Variants in CDH11 observed in about 807,000 individuals in gnomAD.
CDH11 encodes the protein cadherin 11.
Under a neutral mutation model 67.8 loss-of-function variants are expected in CDH11, and 11 were observed. The ratio of observed to expected loss-of-function variants is 0.16; its 90% confidence interval spans 0.10 to 0.27. CDH11 has a LOEUF of 0.27. CDH11 is among the 10% of genes least tolerant of loss of function. The probability of loss-of-function intolerance (pLI) is 1.00; values close to 1 mark genes in which losing one functional copy is unlikely to be tolerated. For missense variants in CDH11, 847 were observed against 1,031.2 expected (o/e 0.82, Z 2.45); for synonymous variants, 419 against 400.0 (o/e 1.05, Z -0.57).
At chr16:65,043,263 A>C (rs1597126623) in intron 2 of CDH11, among the ~76,000 whole-genome samples, 1 of 151,978 alleles carries the variant, frequency 6.6e-6, no homozygotes, top group African/African-American at 2.4e-5. Flanking sequence ...AGACATAGGA[A>C]GGCTTGTTGC....
chr16:64,997,007 C>A (rs1402395965), intron 4 of CDH11, among the ~76,000 whole-genome samples: 1 of 151,902 alleles, frequency 6.6e-6, no homozygotes, highest in Admixed American at 6.6e-5. Context: ...ACTCAATAAA[C>A]CTGCACATGG....
chr16:65,087,097 G>C lies in CDH11; in HGVS notation c.-297-33169C>G, dbSNP rs567838789. ...GATACAGAGCAGACTTCGGAGTTAG[G>C]TGTGAATTGGAAATGTCCCAGATGA... is the stretch of plus-strand genomic sequence containing the variant. On this transcript the variant is annotated intron_variant, in intron 1 of 12. Coordinates refer to ENST00000268603, the MANE Select transcript of CDH11 (RefSeq NM_001797.4). Among the ~76,000 whole-genome samples the C allele has an allele frequency of 7.9e-5, 12 of 152,262 alleles. No individual in the cohort carries two copies. The East Asian group carries it at 1.4e-3, about 17-fold the overall frequency.
intron 11 of CDH11, among the ~76,000 whole-genome samples, chr16:64,966,204 C>T (rs1216705902): frequency 1.3e-5 from 2 of 151,926 alleles, no homozygotes; most frequent in Non-Finnish European, 2.9e-5. Flanking sequence ...ATGAAGAAAA[C>T]TACAATGACT....
Position 64,944,595 on chromosome 16 carries a change from T to C in CDH11, c.*3008A>G. On this transcript the variant is annotated 3_prime_UTR_variant, in exon 13 of 13. Coordinates refer to ENST00000268603, the MANE Select transcript of CDH11 (RefSeq NM_001797.4). ...ATATGTCACAATGACCCAGGAGCAGTTTCAAATACTCCTGACCTGGTTCCA... is the reference window on the plus strand; with the variant it reads ...ATATGTCACAATGACCCAGGAGCAGCTTCAAATACTCCTGACCTGGTTCCA... The C allele has an allele frequency of 4.3e-6, 1 of 232,140 alleles. No individual in the cohort carries two copies. The highest frequency in any genetic ancestry group is 8.5e-6 in the Non-Finnish European group (1 of 117,428). 14.4% of individuals were successfully genotyped at this position (232,140 alleles called of 1,614,324 possible).
intron 1 of CDH11, among the ~76,000 whole-genome samples, chr16:65,099,789 T>C (rs1319341191): frequency 3.9e-5 from 6 of 152,124 alleles, no homozygotes; most frequent in South Asian, 4.1e-4. Context: ...TCATAACTTG[T>C]CCTCATGGCA....
rs778890468 is a variant in CDH11, at chr16:65,115,585, A to G, written c.-298+6295T>C. Among the ~76,000 whole-genome samples the G allele has an allele frequency of 9.1e-4, 138 of 151,950 alleles. 1 individual carries two copies. The highest frequency in any genetic ancestry group is 9.8e-4 in the Admixed American group (15 of 15,246). ...AGAATCCTAGGATATAGATATTATT[A>G]TTAGGTCTATCATTACCAAGAAGAC... On this transcript the variant is annotated intron_variant, in intron 1 of 12. Coordinates refer to ENST00000268603, the MANE Select transcript of CDH11 (RefSeq NM_001797.4).
In CDH11 at chr16:65,096,710, T is replaced by G. The variant is rs183765727; in HGVS notation, c.-298+25170A>C. On this transcript the variant is annotated intron_variant, in intron 1 of 12. Coordinates refer to ENST00000268603, the MANE Select transcript of CDH11 (RefSeq NM_001797.4). ...CAAATATATATGTATATATTTGGGG[T>G]GTGTGTGTGTGTATCCTGTTGGTTC... 1.1e-3 allele frequency among the ~76,000 whole-genome samples: 160 copies of G among 150,834 alleles called. 1 individual carries two copies. Among genetic ancestry groups the G allele is most frequent in the Admixed American group, 8.6e-3 (129 of 15,074 alleles).
At position 65,004,757 on chromosome 16, in the gene CDH11, T is replaced by C; in HGVS notation, c.113A>G (p.His38Arg). ...RGHLRPSFHGHHEKGKEGQVL... is the reference protein window; with the variant it reads ...RGHLRPSFHGRHEKGKEGQVL... ...CTGCCCCTCCTTGCCCTTCTCATGG[T>C]GCCCATGGAAGGAGGGCCGCAGGTG... The change falls in exon 3 of 13, where the codon CAC becomes CGC. Residue 38 changes from histidine to arginine, a missense_variant. Transcript: ENST00000268603. 3 of 1,613,074 alleles carry C rather than the reference T, an allele frequency of 1.9e-6. No individual in the cohort carries two copies. The highest frequency in any genetic ancestry group is 2.5e-6 in the Non-Finnish European group (3 of 1,179,700).
At chr16:65,033,121 A>G (rs1237060868) in intron 2 of CDH11, among the ~76,000 whole-genome samples, 1 of 152,196 alleles carries the variant, frequency 6.6e-6, no homozygotes, top group Admixed American at 6.5e-5. Context: ...TTAATTAAAC[A>G]GAGCACAGGG....
chr16:65,119,665 G>A (rs1227258250), intron 1 of CDH11, among the ~76,000 whole-genome samples: 1 of 152,164 alleles, frequency 6.6e-6, no homozygotes, highest in Non-Finnish European at 1.5e-5. Flanking sequence ...CAGGGGTGAG[G>A]AGGGTGGTTT....
intron 11 of CDH11, among the ~76,000 whole-genome samples, chr16:64,955,696 A>G (rs967679864): frequency 2.6e-5 from 4 of 152,134 alleles, no homozygotes; most frequent in Non-Finnish European, 4.4e-5. Context: ...AGTGAGCTAT[A>G]ATAGTACCAC....
intron 1 of CDH11, among the ~76,000 whole-genome samples, chr16:65,100,797 A>T (rs920646949): frequency 1.3e-5 from 2 of 152,052 alleles, no homozygotes; most frequent in Non-Finnish European, 2.9e-5. Context: ...AATTTGAGGA[A>T]ACTGGAGTAA....
Position 65,023,745 on chromosome 16 carries a change from T to C in CDH11, c.-172-18704A>G, listed in dbSNP as rs144893461. Among the ~76,000 whole-genome samples the C allele has an allele frequency of 2.6e-4, 40 of 152,302 alleles. 1 individual carries two copies. In the East Asian group the frequency reaches 7.5e-3, roughly 29 times the overall value. ...TGCCATTTGTAAACTGTCATGGCACTGGTGGGAATGTCTTTTAGCATTGGA... is the reference window on the plus strand; with the variant it reads ...TGCCATTTGTAAACTGTCATGGCACCGGTGGGAATGTCTTTTAGCATTGGA... On this transcript the variant is annotated intron_variant, in intron 2 of 12. Transcript: ENST00000268603.
chr16:65,000,140 T>C (rs989865592), intron 3 of CDH11, among the ~76,000 whole-genome samples: 1 of 152,346 alleles, frequency 6.6e-6, no homozygotes, highest in South Asian at 2.1e-4. Context: ...AGATGATATT[T>C]GCCTAAATTC....
chr16:64,988,805 CTT>C (rs1389665980), intron 6 of CDH11, among the ~76,000 whole-genome samples: 2 of 152,168 alleles, frequency 1.3e-5, no homozygotes, highest in Admixed American at 1.3e-4. Flanking sequence ...TCCATAGTTA[CTT>C]TAAAAATGCA....
intron 1 of CDH11, among the ~76,000 whole-genome samples, chr16:65,057,498 A>G (rs1490780961): frequency 1.3e-5 from 2 of 152,230 alleles, no homozygotes; most frequent in Non-Finnish European, 2.9e-5. Flanking sequence ...CCGTGAAGCC[A>G]GAGTGTATAA....
chr16:64,963,003 A>G (rs2071714699), intron 11 of CDH11, among the ~76,000 whole-genome samples: 1 of 152,214 alleles, frequency 6.6e-6, no homozygotes, highest in African/African-American at 2.4e-5. Context: ...GCTTATTTAT[A>G]GCAGTTCCTG....
intron 11 of CDH11, among the ~76,000 whole-genome samples, chr16:64,964,532 C>CTTAT (rs200524342): frequency 0.071 from 10,798 of 151,202 alleles, 451 homozygotes; most frequent in Non-Finnish European, 0.083. Context: ...CTACTGTAGA[C>CTTAT]TTATTTATTT....
chr16:65,041,477 G>GC (rs777889764), intron 2 of CDH11, among the ~76,000 whole-genome samples: 7 of 151,858 alleles, frequency 4.6e-5, no homozygotes, highest in Non-Finnish European at 1.0e-4. Context: ...AGTGATAAAA[G>GC]CACAATAAAA....
Sources: allele counts gnomAD v4.1 joint callset (sites outside exome capture counted in the v4.1 genomes callset), GRCh38; gene constraint gnomAD v4.1.1; transcripts MANE v1.5; gene names NCBI Gene and HGNC (gene_info 2026-07-23, HGNC 2026-07-21).